Variants in SSH2 observed in about 807,000 individuals in gnomAD.
The protein encoded by SSH2 is protein phosphatase Slingshot homolog 2.
Under a neutral mutation model 135.2 loss-of-function variants are expected in SSH2, and 37 were observed. That is an observed-to-expected ratio of 0.27 (90% CI 0.21 to 0.36). SSH2 has a LOEUF of 0.36. SSH2 is among the 10% of genes least tolerant of loss of function. The pLI, the probability that SSH2 is intolerant of heterozygous loss-of-function variation, is 1.00. For synonymous variants in SSH2, 628 were observed against 646.2 expected, an observed-to-expected ratio of 0.97 and a Z score of 0.43; for missense variants, 1,408 against 1,765.3, an observed-to-expected ratio of 0.80 and a Z score of 3.63.
Position 29,681,719 on chromosome 17 carries a change from T to C in SSH2, c.479+2844A>G, listed in dbSNP as rs541180995. On this transcript the variant is annotated intron_variant, in intron 6 of 15. Coordinates refer to ENST00000540801, the MANE Select transcript of SSH2 (RefSeq NM_001282129.2). ...TTGTAAATGGGCTAAATGAATTGGC[T>C]GCAACGTATTATTAAGAACTATTTG... Among the ~76,000 whole-genome samples the C allele has an allele frequency of 4.6e-5, 7 of 152,344 alleles. No homozygotes were observed. In the South Asian group the frequency reaches 1.4e-3, roughly 32 times the overall value.
chr17:29,925,066 C>A (rs945013001), intron 1 of SSH2, among the ~76,000 whole-genome samples: 9 of 152,172 alleles, frequency 5.9e-5, no homozygotes, highest in Admixed American at 6.5e-5. Flanking sequence ...AGTTATTACA[C>A]CCACAAGTTT....
At chr17:29,732,710 C>T (rs1297022794) in intron 3 of SSH2, among the ~76,000 whole-genome samples, 2 of 152,164 alleles carry the variant, frequency 1.3e-5, no homozygotes, top group Non-Finnish European at 2.9e-5. Flanking sequence ...GGCTTCGGCT[C>T]ATAGCAGTGA....
chr17:29,891,897 T>G (rs2066356430), intron 1 of SSH2, among the ~76,000 whole-genome samples: 1 of 152,116 alleles, frequency 6.6e-6, no homozygotes, highest in Non-Finnish European at 1.5e-5. Flanking sequence ...TTAAAACCCA[T>G]CTTCAAACTG....
rs553697837 is a variant in SSH2, at chr17:29,637,742, A to G, written c.1428-940T>C. On this transcript the variant is annotated intron_variant, in intron 14 of 15. Transcript: ENST00000540801. ...GGATGCAGTGAGCTGAGATTGTGCC[A>G]CTGCACCCAGCCTGGGTGACTGAGT... Among the ~76,000 whole-genome samples the G allele has an allele frequency of 3.3e-5, 5 of 152,156 alleles. No homozygotes were observed. In the South Asian group the frequency reaches 8.3e-4, roughly 25 times the overall value.
At chr17:29,648,067 T>A in intron 14 of SSH2, 77 bp downstream of exon 14, 1 of 1,309,880 alleles carries the variant, frequency 7.6e-7, no homozygotes, top group Non-Finnish European at 1.1e-6. Context: ...GCTTGAGAAG[T>A]AGCTACAGAG....
At chr17:29,729,015 A>G (rs1221447917) in intron 3 of SSH2, among the ~76,000 whole-genome samples, 1 of 152,200 alleles carries the variant, frequency 6.6e-6, no homozygotes, top group Non-Finnish European at 1.5e-5. Flanking sequence ...CCCCACAAAC[A>G]CAGGTAACCT....
intron 4 of SSH2, among the ~76,000 whole-genome samples, chr17:29,696,584 G>T (rs1178290379): frequency 7.0e-6 from 1 of 143,550 alleles, no homozygotes; most frequent in Non-Finnish European, 1.5e-5. Flanking sequence ...GGGCGACACA[G>T]CGAGACTCTG....
chr17:29,761,840 CATATGTGTGTGTGTGTGT>C (rs751155134), intron 3 of SSH2, among the ~76,000 whole-genome samples: 52 of 133,914 alleles, frequency 3.9e-4, no homozygotes, highest in South Asian at 1.1e-3. Flanking sequence ...CACTCACATA[CATATGTGTGTGTGTGTGT>C]GTGTGTGTGT....
chr17:29,648,057 G>C lies in SSH2; in HGVS notation c.1427+87C>G, dbSNP rs867953653. On this transcript the variant is annotated intron_variant, in intron 14 of 15. Coordinates refer to ENST00000540801, the MANE Select transcript of SSH2 (RefSeq NM_001282129.2). ...TTGAAAAAATATCACATCCAAATCA[G>C]CTTGAGAAGTAGCTACAGAGAAGGA... 65 of 1,234,910 alleles carry C rather than the reference G, an allele frequency of 5.3e-5. 1 individual carries two copies. In the African/African-American group the frequency reaches 8.5e-4, roughly 16 times the overall value. 76.5% of individuals were successfully genotyped at this position (1,234,910 alleles called of 1,614,324 possible).
chr17:29,765,067 C>G (rs1161853595), intron 3 of SSH2, among the ~76,000 whole-genome samples: 1 of 152,220 alleles, frequency 6.6e-6, no homozygotes, highest in Non-Finnish European at 1.5e-5. Flanking sequence ...AACATGGTCA[C>G]TTAATAAACT....
intron 3 of SSH2, among the ~76,000 whole-genome samples, chr17:29,770,265 C>G (rs1047148992): frequency 4.0e-5 from 6 of 151,470 alleles, no homozygotes; most frequent in African/African-American, 1.5e-4. Flanking sequence ...CGAGCCACCA[C>G]CCCCGGCTAA....
intron 9 of SSH2, among the ~76,000 whole-genome samples, chr17:29,667,902 A>G (rs2037343508): frequency 6.6e-6 from 1 of 152,218 alleles, no homozygotes; most frequent in South Asian, 2.1e-4. Context: ...CTCTCTTAAA[A>G]ATAAAATCAC....
At chr17:29,877,898 C>CAT (rs1254683637) in intron 1 of SSH2, among the ~76,000 whole-genome samples, 2 of 152,000 alleles carry the variant, frequency 1.3e-5, no homozygotes, top group Non-Finnish European at 2.9e-5. Flanking sequence ...GCCTGGGCAA[C>CAT]ATATTAAGAC....
At chr17:29,671,859 A>C (rs2037507268) in intron 9 of SSH2, 76 bp downstream of exon 9, 3 of 1,236,244 alleles carry the variant, frequency 2.4e-6, no homozygotes, top group Non-Finnish European at 3.4e-6. Context: ...AGAAAAGATT[A>C]GGGAGGAACA....
chr17:29,853,585 G>T (rs2065606616), intron 1 of SSH2, among the ~76,000 whole-genome samples: 1 of 151,716 alleles, frequency 6.6e-6, no homozygotes, highest in Non-Finnish European at 1.5e-5. Flanking sequence ...TTTTGAGGAG[G>T]GCAAAGTCAA....
At chr17:29,824,327 A>G (rs1326263715) in intron 2 of SSH2, among the ~76,000 whole-genome samples, 1 of 152,204 alleles carries the variant, frequency 6.6e-6, no homozygotes, top group African/African-American at 2.4e-5. Context: ...TGATTGTGTC[A>G]GCATTGCTCT....
intron 9 of SSH2, among the ~76,000 whole-genome samples, chr17:29,669,704 T>C (rs2037413223): frequency 6.6e-6 from 1 of 152,110 alleles, no homozygotes. Flanking sequence ...TCTTAAGATA[T>C]ATCTCAAAAT....
At chr17:29,821,500 GA>G (rs34719776) in intron 2 of SSH2, among the ~76,000 whole-genome samples, 22,539 of 145,648 alleles carry the variant, frequency 0.15, 4,051 homozygotes, top group African/African-American at 0.44. Flanking sequence ...AATAAATTAT[GA>G]AAAAAAAAAA....
In SSH2 at chr17:29,631,929, T is replaced by C; in HGVS notation, c.3265A>G (p.Arg1089Gly). The change falls in exon 16 of 16, where the codon AGG becomes GGG. Residue 1089 changes from arginine (R) to glycine (G), a missense_variant. This residue lies in a region of SSH2 where 1,080 missense variants were observed against 1,144.5 expected (regional missense o/e 0.94). Transcript: ENST00000540801. ...GAAACCTGGTTGGGGTCCAGAGTCC[T>C]GTTTAGATTTTCATCCAGTGTGCAG... Reference protein sequence around the residue: ...VLCTLDENLNRTLDPNQVSLH... With the variant: ...VLCTLDENLNGTLDPNQVSLH... The C allele has an allele frequency of 6.2e-7, 1 of 1,614,196 alleles. No individual in the cohort carries two copies. The highest frequency in any genetic ancestry group is 8.5e-7 in the Non-Finnish European group (1 of 1,180,026).
Sources: allele counts gnomAD v4.1 joint callset (sites outside exome capture counted in the v4.1 genomes callset), GRCh38; gene constraint gnomAD v4.1.1; regional missense constraint gnomAD v4.1.1; transcripts MANE v1.5; gene names NCBI Gene and HGNC (gene_info 2026-07-23, HGNC 2026-07-21).